SCN2A: variants seen among roughly 807,000 people sequenced by gnomAD.
SCN2A encodes sodium channel protein type 2 subunit alpha.
In SCN2A, 20 loss-of-function variants were observed where a neutral mutation model predicts 188.7. The ratio of observed to expected loss-of-function variants is 0.11; its 90% CI spans 0.07 to 0.15. The LOEUF (loss-of-function observed/expected upper bound fraction) is 0.15. SCN2A is among the 10% of genes least tolerant of loss of function. The probability of loss-of-function intolerance (pLI) is 1.00; values close to 1 mark genes in which losing one functional copy is unlikely to be tolerated. For synonymous variants in SCN2A, 804 were observed against 833.1 expected, an observed-to-expected ratio of 0.97 and a Z score of 0.60; for missense variants, 1,278 against 2,445.0, an observed-to-expected ratio of 0.52 and a Z score of 10.07.
chr2:165,247,422 T>C (rs909780991), intron 1 of SCN2A, among the ~76,000 whole-genome samples: 1 of 152,174 alleles, frequency 6.6e-6, no homozygotes, highest in Non-Finnish European at 1.5e-5. Context: ...CCAAATCAGC[T>C]CCTGATAGAA....
chr2:165,358,971 T>G (rs1245150850), intron 17 of SCN2A, among the ~76,000 whole-genome samples: 1 of 152,142 alleles, frequency 6.6e-6, no homozygotes, highest in Non-Finnish European at 1.5e-5. Context: ...ATTTAATCAT[T>G]TTTAAGAAAT....
At position 165,317,555 on chromosome 2, in the gene SCN2A, C is replaced by A. The variant is rs549408209; in HGVS notation, c.1671+1797C>A. Among the ~76,000 whole-genome samples, 6 of 152,246 alleles carry A rather than the reference C, an allele frequency of 3.9e-5. 1 individual carries two copies. The South Asian group carries it at 1.2e-3, about 32-fold the overall frequency. On this transcript the variant is annotated intron_variant, in intron 11 of 26. Transcript: ENST00000375437. Reference sequence around the variant, plus strand: ...TCAACTTCATATCAAACACTTACCACAGAGATTCTCTTCAATTTGCCTTAT... The same window carrying A: ...TCAACTTCATATCAAACACTTACCAAAGAGATTCTCTTCAATTTGCCTTAT...
At chr2:165,351,587 C>G (rs1699922587) in intron 16 of SCN2A, among the ~76,000 whole-genome samples, 1 of 146,924 alleles carries the variant, frequency 6.8e-6, no homozygotes, top group African/African-American at 2.7e-5. Flanking sequence ...AAAAAAAAAG[C>G]TTCTCTACTT....
At chr2:165,339,747 A>G (rs1461464977) in intron 14 of SCN2A, among the ~76,000 whole-genome samples, 2 of 152,210 alleles carry the variant, frequency 1.3e-5, no homozygotes, top group East Asian at 1.9e-4. Context: ...AAATGTATCT[A>G]TCAATTCAAC....
At chr2:165,370,447 A>C (rs1700966242) in intron 20 of SCN2A, 148 bp downstream of exon 20, 5 of 816,538 alleles carry the variant, frequency 6.1e-6, no homozygotes, top group African/African-American at 1.7e-5. Context: ...GGATGCCTCA[A>C]AACATTTTTT....
intron 3 of SCN2A, among the ~76,000 whole-genome samples, chr2:165,304,426 T>C (rs1423431533): frequency 6.6e-6 from 1 of 152,228 alleles, no homozygotes; most frequent in Non-Finnish European, 1.5e-5. Flanking sequence ...CTTTATGCTG[T>C]ATTTTTAAAT....
chr2:165,269,692 A>G (rs1370613946), intron 1 of SCN2A: 1 of 152,068 alleles, frequency 6.6e-6, no homozygotes, highest in Admixed American at 6.6e-5. Flanking sequence ...ATATGTGACC[A>G]TTCTATTTTC....
chr2:165,342,497 T>C (rs1246730165), intron 15 of SCN2A, 28 bp downstream of exon 15: 4 of 1,610,758 alleles, frequency 2.5e-6, no homozygotes, highest in Non-Finnish European at 3.4e-6. Flanking sequence ...GTTCATAAAA[T>C]GTACTTTGTA....
chr2:165,375,184 C>T (rs962844923), intron 22 of SCN2A, among the ~76,000 whole-genome samples: 9 of 151,812 alleles, frequency 5.9e-5, no homozygotes, highest in Admixed American at 5.9e-4. Flanking sequence ...GGAGGTTTCT[C>T]AAAAAACTAA....
At chr2:165,321,571 C>A (rs1698077519) in intron 11 of SCN2A, among the ~76,000 whole-genome samples, 1 of 152,170 alleles carries the variant, frequency 6.6e-6, no homozygotes, top group Admixed American at 6.5e-5. Context: ...GGAAGCCTCA[C>A]AATCATGGCA....
At chr2:165,336,064 A>T (rs902624681) in intron 14 of SCN2A, among the ~76,000 whole-genome samples, 1 of 151,850 alleles carries the variant, frequency 6.6e-6, no homozygotes, top group South Asian at 2.1e-4. Flanking sequence ...CTTCACACAC[A>T]CTAAGATGGC....
chr2:165,315,847 C>T (rs1285000878), intron 11 of SCN2A, 89 bp downstream of exon 11: 1 of 1,354,158 alleles, frequency 7.4e-7, no homozygotes, highest in Non-Finnish European at 1.0e-6. Flanking sequence ...CGCCTTCCAC[C>T]TGGATGGCAC....
chr2:165,335,722 C>T (rs760263207), intron 14 of SCN2A, among the ~76,000 whole-genome samples: 11 of 151,460 alleles, frequency 7.3e-5, no homozygotes, highest in Non-Finnish European at 1.3e-4. Context: ...AAAGCACACA[C>T]AATAGCAATA....
chr2:165,248,693 C>T (rs1029309384), intron 1 of SCN2A, among the ~76,000 whole-genome samples: 2 of 151,974 alleles, frequency 1.3e-5, no homozygotes, highest in Non-Finnish European at 2.9e-5. Context: ...ATACTGTATA[C>T]ATTGCATTTC....
intron 1 of SCN2A, among the ~76,000 whole-genome samples, chr2:165,279,997 G>T (rs947735248): frequency 6.6e-6 from 1 of 152,128 alleles, no homozygotes; most frequent in Admixed American, 6.6e-5. Context: ...TATGTGACTT[G>T]CTCCTTCTTG....
intron 13 of SCN2A, among the ~76,000 whole-genome samples, chr2:165,330,233 A>T (rs772441529): frequency 6.6e-6 from 1 of 152,190 alleles, no homozygotes; most frequent in Non-Finnish European, 1.5e-5. Context: ...CCTCTATTTC[A>T]GTGCTAAGAG....
At chr2:165,335,744 G>T (rs966879325) in intron 14 of SCN2A, among the ~76,000 whole-genome samples, 2 of 151,686 alleles carry the variant, frequency 1.3e-5, no homozygotes, top group Non-Finnish European at 3.0e-5. Context: ...GAAAAAAAAG[G>T]TTCATTGGAC....
chr2:165,322,272 C>T (rs1016960695), intron 11 of SCN2A, among the ~76,000 whole-genome samples: 11 of 152,180 alleles, frequency 7.2e-5, no homozygotes, highest in South Asian at 4.1e-4. Context: ...CTTTAAATTA[C>T]GTATCGAATA....
chr2:165,320,812 C>G (rs1698036881), intron 11 of SCN2A, among the ~76,000 whole-genome samples: 1 of 152,170 alleles, frequency 6.6e-6, no homozygotes, highest in Non-Finnish European at 1.5e-5. Context: ...ACCACTTTTT[C>G]CTCCTAGGCC....
Sources: allele counts gnomAD v4.1 joint callset (sites outside exome capture counted in the v4.1 genomes callset), GRCh38; gene constraint gnomAD v4.1.1; transcripts MANE v1.5; gene names NCBI Gene and HGNC (gene_info 2026-07-23, HGNC 2026-07-21).